Variants in MTMR10 observed in about 807,000 individuals in gnomAD.
MTMR10 encodes myotubularin related protein 10.
A neutral mutation model predicts 88.1 loss-of-function variants in MTMR10; 56 were observed. The ratio of observed to expected loss-of-function variants is 0.64; its 90% CI spans 0.51 to 0.79. The LOEUF is 0.79. Among genes scored for constraint, MTMR10 ranks in the 30% least tolerant of loss-of-function variants. MTMR10 has a pLI of 0.00. For synonymous variants in MTMR10, 380 were observed against 340.9 expected (o/e 1.11, Z -1.26); for missense variants, 883 against 924.7 (o/e 0.95, Z 0.58).
intron 3 of MTMR10, among the ~76,000 whole-genome samples, chr15:30,976,061 T>A (rs1188254009): frequency 6.6e-6 from 1 of 150,736 alleles, no homozygotes; most frequent in Non-Finnish European, 1.5e-5. Flanking sequence ...TCACTCTTCC[T>A]AGAAATTAGA....
At chr15:30,928,457 T>A in the MTMR10 span, 3 of 1,523,494 alleles carry the variant, frequency 2.0e-6, no homozygotes, top group Non-Finnish European at 2.6e-6. Flanking sequence ...TGAAATTGAG[T>A]GTGCAGTAGG....
At chr15:30,937,378 C>T (rs2062885716), downstream of MTMR10, 3 of 896,994 alleles carry the variant, frequency 3.3e-6, no homozygotes, top group Middle Eastern at 3.0e-4. Flanking sequence ...TGTCATTTTA[C>T]AGTGTCTGCA....
In MTMR10 at chr15:30,948,437, A is replaced by G. The variant is rs377414112; in HGVS notation, c.1242T>C (p.Ala414=). The change falls in exon 13 of 16, where the codon GCT becomes GCC. Residue 414 remains alanine, a synonymous_variant. Transcript: ENST00000435680. ...GATCCAGCATCACTTGAACAAGAGA[A>G]GCTACACAACAGCTCAAGTCTCTTC... ...EEGRDLSCCV[A]SLVQVMLDPY... The G allele has an allele frequency of 9.9e-6, 16 of 1,611,770 alleles. No individual in the cohort carries two copies. In the African/African-American group the frequency reaches 2.1e-4, roughly 22 times the overall value.
At chr15:30,928,735 C>T in the MTMR10 span, 113 of 1,597,558 alleles carry the variant, frequency 7.1e-5, no homozygotes, top group Admixed American at 1.9e-3. Flanking sequence ...ACCGTGTGTC[C>T]ACAGCCAGCA....
the MTMR10 span, among the ~76,000 whole-genome samples, chr15:30,924,617 CT>C: frequency 2.0e-5 from 3 of 152,170 alleles, no homozygotes; most frequent in Admixed American, 2.0e-4. Context: ...TCCTCCAAAC[CT>C]TTGGCTCCTG....
chr15:30,926,609 G>T, the MTMR10 span: 2 of 985,048 alleles, frequency 2.0e-6, no homozygotes, highest in Non-Finnish European at 2.4e-6. Context: ...TACTTACAGG[G>T]AAGGGTGATG....
At chr15:30,951,087 A>T (rs2063238928) in intron 12 of MTMR10, among the ~76,000 whole-genome samples, 1 of 152,258 alleles carries the variant, frequency 6.6e-6, no homozygotes, top group Non-Finnish European at 1.5e-5. Context: ...CTACTGTATT[A>T]TACGAAGGTA....
At chr15:30,937,317 C>T (rs922069203), downstream of MTMR10, 1 of 1,504,660 alleles carries the variant, frequency 6.6e-7, no homozygotes, top group East Asian at 2.3e-5. Context: ...GAGTATAAAA[C>T]ATGTTTTATT....
rs35066824 is a variant in MTMR10, at chr15:30,976,959, TA to T, written c.122-5del. The T allele has an allele frequency of 2.5e-6, 4 of 1,609,152 alleles. No homozygotes were observed. The African/African-American group carries it at 5.4e-5, about 22-fold the overall frequency. On this transcript the variant is annotated splice_polypyrimidine_tract_variant and splice_region_variant and intron_variant, in intron 2 of 15. Coordinates refer to ENST00000435680, the MANE Select transcript of MTMR10 (RefSeq NM_017762.3). ...ACTTCATTTACGACAATTTCTCCTTTAAAAAAAGAAAAATATTTGTAAGGTA... is the reference window on the plus strand; with the variant it reads ...ACTTCATTTACGACAATTTCTCCTTTAAAAAAGAAAAATATTTGTAAGGTA...
chr15:30,981,515 A>C (rs2141062403), intron 2 of MTMR10, among the ~76,000 whole-genome samples: 1 of 152,362 alleles, frequency 6.6e-6, no homozygotes, highest in Middle Eastern at 3.4e-3. Context: ...GACAAATCCA[A>C]ACCAAGAGGC....
chr15:30,937,008 TGA>T (rs2062873714), downstream of MTMR10: 6 of 811,690 alleles, frequency 7.4e-6, no homozygotes, highest in Non-Finnish European at 2.0e-6. Flanking sequence ...ACAAATACAG[TGA>T]GAGAGCAGAA....
intron 14 of MTMR10, chr15:30,943,282 TTTC>T: frequency 1.0e-6 from 1 of 985,328 alleles, no homozygotes; most frequent in Middle Eastern, 5.2e-4. Flanking sequence ...GGAGTGTGCT[TTTC>T]AGGTGCCCTC....
chr15:30,976,744 A>G, intron 3 of MTMR10, 75 bp downstream of exon 3: 1 of 1,462,630 alleles, frequency 6.8e-7, no homozygotes, highest in Non-Finnish European at 9.2e-7. Context: ...TTCCATACCT[A>G]TGTTTTATAT....
chr15:30,942,119 AAG>A, intron 15 of MTMR10, 47 bp from the exon 16 acceptor site: 1 of 1,558,940 alleles, frequency 6.4e-7, no homozygotes. Flanking sequence ...CCTTTTTAGA[AAG>A]ATTGAAGGAT....
At chr15:30,954,656 C>A in intron 10 of MTMR10, 107 bp downstream of exon 10, 1 of 1,131,304 alleles carries the variant, frequency 8.8e-7, no homozygotes. Flanking sequence ...TCCATAGACT[C>A]CTTAAATATA....
chr15:30,955,807 A>G (rs2860452), intron 9 of MTMR10, among the ~76,000 whole-genome samples: 126,127 of 152,090 alleles, frequency 0.83, 52,380 homozygotes, highest in East Asian at 0.98. Flanking sequence ...GCTGTAGGAT[A>G]AACTGCAAGT....
the MTMR10 span, among the ~76,000 whole-genome samples, chr15:30,924,320 C>T: frequency 2.0e-5 from 3 of 152,150 alleles, no homozygotes; most frequent in Non-Finnish European, 4.4e-5. Context: ...CTGTTTCAGT[C>T]CCTGGTTTCA....
chr15:30,966,842 A>C (rs2063477780), intron 6 of MTMR10, among the ~76,000 whole-genome samples: 2 of 147,660 alleles, frequency 1.4e-5, no homozygotes, highest in Admixed American at 6.9e-5. Context: ...TTCATATATT[A>C]TCTCTACTGT....
Position 30,960,894 on chromosome 15 carries a change from T to C in MTMR10, c.745A>G (p.Met249Val), listed in dbSNP as rs768775871. Residue 249 changes from methionine to valine, a missense_variant, in exon 7 of 16, where the codon ATG (methionine) becomes GTG (valine). Around this residue, in one of 3 missense-constraint regions of MTMR10, gnomAD observed 414 missense variants for 423.2 expected, o/e 0.98. Transcript: ENST00000435680. Reference protein sequence around the residue: ...WRVCSINEGYMISTCLPEYIV... With the variant: ...WRVCSINEGYVISTCLPEYIV... ...AATTGTACTTACCAAGTGGATATCA[T>C]GTAACCCTCGTTAATAGAACAAACT... 4 of 1,607,884 alleles carry C rather than the reference T, an allele frequency of 2.5e-6. No individual in the cohort carries two copies. The highest frequency in any genetic ancestry group is 3.4e-6 in the Non-Finnish European group (4 of 1,175,316).
Sources: allele counts gnomAD v4.1 joint callset (sites outside exome capture counted in the v4.1 genomes callset), GRCh38; gene constraint gnomAD v4.1.1; regional missense constraint gnomAD v4.1.1; transcripts MANE v1.5; gene names NCBI Gene and HGNC (gene_info 2026-07-23, HGNC 2026-07-21).